The following PIK3R6 variants were observed in gnomAD, a reference collection of about 807,000 sequenced individuals.
The protein encoded by PIK3R6 is phosphoinositide 3-kinase regulatory subunit 6.
A neutral mutation model predicts 84.9 loss-of-function variants in PIK3R6; 91 were observed. The observed-to-expected ratio is 1.07, with a 90% CI of 0.90 to 1.28. The LOEUF (loss-of-function observed/expected upper bound fraction) is 1.28. Ranked by LOEUF, PIK3R6 falls within the 50% of genes most tolerant of loss-of-function variation. PIK3R6 has a pLI of 0.00. For missense variants in PIK3R6, 996 were observed against 985.1 expected, an observed-to-expected ratio of 1.01 and a Z score of -0.15; for synonymous variants, 416 against 411.4, an observed-to-expected ratio of 1.01 and a Z score of -0.13.
Position 8,828,836 on chromosome 17 carries a change from C to A in PIK3R6, c.1044G>T (p.Thr348=). The change falls in exon 11 of 20, where the codon ACG becomes ACT. Residue 348 remains threonine (T), a synonymous_variant. Transcript: ENST00000619866. The part of the protein sequence containing the change: ...TDSGIERDLP[T]GADELPAPGS... ...CGGGTGCAGGCAGCTCATCAGCCCC[C>A]GTGGGAAGGTCCCGCTCAATGCCGC... The A allele has an allele frequency of 6.3e-7, 1 of 1,596,114 alleles. No homozygotes were observed. The highest frequency in any genetic ancestry group is 1.1e-5 in the South Asian group (1 of 89,060).
rs774618667 is a variant in PIK3R6 at position 8,804,035 on chromosome 17, C to G, written c.2108+6G>C. 4.3e-6 allele frequency: 7 copies of G among 1,612,382 alleles called. No individual in the cohort carries two copies. Among genetic ancestry groups the G allele is most frequent in the Non-Finnish European group, 5.9e-6 (7 of 1,178,442 alleles). On this transcript the variant is annotated splice_donor_region_variant and intron_variant, in intron 19 of 19. Transcript: ENST00000619866. Reference sequence around the variant, plus strand: ...GGACATCTAGGGTTGGCAGGCCCAGCCTCACCTGACCACATCCCTGAAAGT... The same window carrying G: ...GGACATCTAGGGTTGGCAGGCCCAGGCTCACCTGACCACATCCCTGAAAGT...
chr17:8,803,600 G>A lies in PIK3R6; in HGVS notation c.2109-171C>T, dbSNP rs997774743. 3.0e-5 allele frequency: 20 copies of A among 668,268 alleles called. No homozygotes were observed. Among genetic ancestry groups the A allele is most frequent in the Middle Eastern group, 4.1e-4 (1 of 2,456 alleles). The allele number at this position is 668,268 out of a possible 1,614,324, so 41.4% of individuals were successfully genotyped here. A position where few individuals can be genotyped will look rare whatever the true frequency, so the allele number is the denominator to read the frequency against. On this transcript the variant is annotated intron_variant, in intron 19 of 19. Transcript: ENST00000619866. The surrounding 1 kb of genome is among the most constrained non-coding windows in gnomAD (Gnocchi z 5.0). Reference sequence around the variant, plus strand: ...GTCAGGACAAGAAAGAAAAACCTGGGCCTGGGGTTCACCGGGAGAGGAGAC... The same window carrying A: ...GTCAGGACAAGAAAGAAAAACCTGGACCTGGGGTTCACCGGGAGAGGAGAC...
intron 9 of PIK3R6, among the ~76,000 whole-genome samples, chr17:8,831,906 G>A (rs1359203054): frequency 6.6e-6 from 1 of 152,178 alleles, no homozygotes; most frequent in Non-Finnish European, 1.5e-5. Context: ...CATCCACATG[G>A]GGCTTGTGTC....
intron 18 of PIK3R6, among the ~76,000 whole-genome samples, chr17:8,816,390 T>C (rs954769656): frequency 6.6e-6 from 1 of 152,166 alleles, no homozygotes. Flanking sequence ...CTTAGTAGTA[T>C]GTAAAATTGT....
intron 18 of PIK3R6, among the ~76,000 whole-genome samples, chr17:8,810,319 A>T (rs1439010626): frequency 2.0e-5 from 3 of 147,854 alleles, no homozygotes; most frequent in Non-Finnish European, 4.4e-5. Flanking sequence ...ATTACCTCCC[A>T]CCAGGCCCCT....
At chr17:8,858,445 G>C (rs1316598714) in intron 1 of PIK3R6, among the ~76,000 whole-genome samples, 3 of 151,074 alleles carry the variant, frequency 2.0e-5, no homozygotes, top group Non-Finnish European at 4.4e-5. Context: ...GCCTCCCTGA[G>C]GCTAGGAATT....
chr17:8,832,549 A>ATTTTTT (rs71135926), intron 9 of PIK3R6, among the ~76,000 whole-genome samples: 8 of 133,602 alleles, frequency 6.0e-5, no homozygotes, highest in Non-Finnish European at 1.1e-4. Context: ...CGCCCAGCTG[A>ATTTTTT]TTTTTTTTTT....
chr17:8,836,697 C>A, intron 6 of PIK3R6, 81 bp from the exon 7 acceptor site: 1 of 1,612,274 alleles, frequency 6.2e-7, no homozygotes, highest in African/African-American at 1.3e-5. Flanking sequence ...GGTGTGGAGG[C>A]TTTTGAGCTC....
chr17:8,863,210 A>C (rs1267744693), intron 1 of PIK3R6, among the ~76,000 whole-genome samples: 2 of 152,170 alleles, frequency 1.3e-5, no homozygotes, highest in Non-Finnish European at 2.9e-5. Flanking sequence ...ATATAGATTT[A>C]AATTTAAACT....
chr17:8,866,145 T>C (rs1370155931), intron 1 of PIK3R6, among the ~76,000 whole-genome samples: 2 of 152,100 alleles, frequency 1.3e-5, no homozygotes, highest in East Asian at 3.9e-4. Context: ...CGTGCCTCAG[T>C]TTCCCTATCT....
Position 8,835,294 on chromosome 17 carries a change from GC to G in PIK3R6, c.623del (p.Gly208AlafsTer41). ...TTACCTGCAGCTTCCTGTGCAGAGC[GC>G]CTGCGTGACAGGCCTCCCCCAGAGC... The part of the protein sequence containing the change: ...QAALGEACHA[G>X]ALHRKLQASP... On this transcript the variant is annotated frameshift_variant, in exon 8 of 20. Coordinates refer to ENST00000619866, the MANE Select transcript of PIK3R6 (RefSeq NM_001010855.4). LOFTEE classifies it high-confidence loss of function. The G allele has an allele frequency of 6.3e-7, 1 of 1,579,966 alleles. No individual in the cohort carries two copies. The highest frequency in any genetic ancestry group is 1.1e-5 in the South Asian group (1 of 87,670).
intron 1 of PIK3R6, among the ~76,000 whole-genome samples, chr17:8,854,451 A>C (rs1041044333): frequency 2.6e-5 from 4 of 152,092 alleles, no homozygotes; most frequent in African/African-American, 7.2e-5. Context: ...TCAGCTTCGC[A>C]CTCCTTATTT....
chr17:8,846,755 A>G (rs1376292808), intron 2 of PIK3R6, among the ~76,000 whole-genome samples: 2 of 152,134 alleles, frequency 1.3e-5, no homozygotes, highest in Non-Finnish European at 2.9e-5. Flanking sequence ...TGGTAAGGTG[A>G]TGCTATGTGC....
At chr17:8,855,709 G>A (rs2089120760) in intron 1 of PIK3R6, among the ~76,000 whole-genome samples, 1 of 152,212 alleles carries the variant, frequency 6.6e-6, no homozygotes. Context: ...CCGTCAGGAG[G>A]AATTGGAATT....
At chr17:8,836,282 TC>T (rs2088463181) in intron 7 of PIK3R6, among the ~76,000 whole-genome samples, 1 of 152,222 alleles carries the variant, frequency 6.6e-6, no homozygotes, top group African/African-American at 2.4e-5. Context: ...CGAGGCCATG[TC>T]CACCTTCTGC....
At chr17:8,817,032 T>C (rs1467094088) in intron 18 of PIK3R6, among the ~76,000 whole-genome samples, 2 of 152,238 alleles carry the variant, frequency 1.3e-5, no homozygotes, top group Non-Finnish European at 2.9e-5. Flanking sequence ...TACATAATTA[T>C]ACAGGTATAT....
chr17:8,828,528 G>A lies in PIK3R6; in HGVS notation c.1313+39C>T, dbSNP rs780866691. 11 of 1,597,648 alleles carry A rather than the reference G, an allele frequency of 6.9e-6. No homozygotes were observed. The East Asian group carries it at 1.1e-4, about 16-fold the overall frequency. On this transcript the variant is annotated intron_variant, in intron 11 of 19. Transcript: ENST00000619866. ...CCACGCCAGGCCCACCTGTGCCCCT[G>A]ACCAGCGCCCACCCCCAGCCCCCAC...
chr17:8,852,165 C>G (rs1225470698), intron 1 of PIK3R6, among the ~76,000 whole-genome samples: 1 of 152,102 alleles, frequency 6.6e-6, no homozygotes, highest in African/African-American at 2.4e-5. Context: ...GGTACAGAGT[C>G]TCTGTTTGGA....
At chr17:8,840,332 G>A (rs901280658) in intron 2 of PIK3R6, among the ~76,000 whole-genome samples, 5 of 121,354 alleles carry the variant, frequency 4.1e-5, no homozygotes, top group African/African-American at 1.2e-4. Flanking sequence ...CTCCAAATAT[G>A]TATATGAAAT....
Sources: allele counts gnomAD v4.1 joint callset (sites outside exome capture counted in the v4.1 genomes callset), GRCh38; gene constraint gnomAD v4.1.1; non-coding constraint Gnocchi (gnomAD v3.1); transcripts MANE v1.5; gene names NCBI Gene and HGNC (gene_info 2026-07-23, HGNC 2026-07-21).